The following STPG2 variants were observed in gnomAD, a reference collection of about 807,000 sequenced individuals.
The protein encoded by STPG2 is sperm-tail PG-rich repeat-containing protein 2.
STPG2 carries 56 observed loss-of-function variants against 54.2 expected under a neutral mutation model. That is an observed-to-expected ratio of 1.03 (90% confidence interval 0.83 to 1.29). The LOEUF (loss-of-function observed/expected upper bound fraction) is 1.29, where lower values mean the gene tolerates loss of function less well. Ranked by LOEUF, STPG2 falls within the 50% of genes most tolerant of loss-of-function variation. The probability of loss-of-function intolerance (pLI) is 0.00; values close to 1 mark genes in which losing one functional copy is unlikely to be tolerated. For synonymous variants in STPG2, 200 were observed against 181.8 expected (o/e 1.10, Z -0.81); for missense variants, 596 against 544.9 (o/e 1.09, Z -0.93).
chr4:97,814,803 C>T (rs112062991), intron 9 of STPG2, among the ~76,000 whole-genome samples: 3,094 of 152,194 alleles, frequency 0.02, 99 homozygotes, highest in African/African-American at 0.071. Context: ...TGCTGGATGC[C>T]TCCTGCCCTT....
At chr4:98,071,648 A>G (rs963827337) in intron 5 of STPG2, among the ~76,000 whole-genome samples, 2 of 152,086 alleles carry the variant, frequency 1.3e-5, no homozygotes, top group Non-Finnish European at 2.9e-5. Flanking sequence ...TGGGAGAAAA[A>G]TTTTGCAATA....
chr4:97,903,640 G>A (rs1199292064), intron 8 of STPG2, among the ~76,000 whole-genome samples: 2 of 152,202 alleles, frequency 1.3e-5, no homozygotes, highest in Admixed American at 6.5e-5. Context: ...AGCTCCCAGC[G>A]TGAGCAACGC....
chr4:98,091,995 C>T (rs1738708228), intron 5 of STPG2, among the ~76,000 whole-genome samples: 1 of 151,930 alleles, frequency 6.6e-6, no homozygotes, highest in Non-Finnish European at 1.5e-5. Context: ...TTATTTTATA[C>T]ACATCTTAAA....
intron 10 of STPG2, among the ~76,000 whole-genome samples, chr4:97,623,191 G>A (rs1266005620): frequency 6.6e-6 from 1 of 151,996 alleles, no homozygotes; most frequent in African/African-American, 2.4e-5. Context: ...ATATGCTTTG[G>A]ACATAGGACC....
intron 9 of STPG2, among the ~76,000 whole-genome samples, chr4:97,777,330 TC>T (rs1560523263): frequency 9.3e-6 from 1 of 107,532 alleles, no homozygotes; most frequent in Non-Finnish European, 2.0e-5. Flanking sequence ...CATAAAATCA[TC>T]TCTTTCTTTA....
chr4:97,787,483 T>G (rs1726861847), intron 9 of STPG2, among the ~76,000 whole-genome samples: 2 of 152,074 alleles, frequency 1.3e-5, no homozygotes, highest in African/African-American at 4.8e-5. Flanking sequence ...CATGACTTGA[T>G]GTGAATATAT....
At position 97,607,558 on chromosome 4, in the gene STPG2, A is replaced by G. The variant is rs145329623; in HGVS notation, c.1321-48441T>C. On this transcript the variant is annotated intron_variant, in intron 10 of 10. Coordinates refer to ENST00000295268, the MANE Select transcript of STPG2 (RefSeq NM_174952.3). ...AAGGTTAGGGGTCTATCCTTTTAAC[A>G]AGTCTAGAAAGGAGCCTTAGGAAAA... Among the ~76,000 whole-genome samples the G allele has an allele frequency of 6.8e-3, 1,028 of 152,174 alleles. 26 individuals carry two copies. The highest frequency in any genetic ancestry group is 0.058 in the Middle Eastern group (17 of 294).
chr4:97,446,804 A>C (rs1342047298), intron 4 of STPG2, among the ~76,000 whole-genome samples: 2 of 152,184 alleles, frequency 1.3e-5, no homozygotes, highest in African/African-American at 4.8e-5. Context: ...GCCATGCTGA[A>C]CTGTGAATCA....
At chr4:97,555,998 C>T (rs1216857434), downstream of STPG2, among the ~76,000 whole-genome samples, 1 of 151,980 alleles carries the variant, frequency 6.6e-6, no homozygotes, top group African/African-American at 2.4e-5. Context: ...TATCATTTAC[C>T]TGAGCATTAG....
rs914489220 is a variant in STPG2, at chr4:97,774,028, A to T, written c.1205-61214T>A. Among the ~76,000 whole-genome samples, 12 of 105,700 alleles carry T rather than the reference A, an allele frequency of 1.1e-4. No homozygotes were observed. The South Asian group carries it at 3.5e-3, about 31-fold the overall frequency. The allele number at this position is 105,700 out of a possible 152,430, so 69.3% of individuals were successfully genotyped here. A position where few individuals can be genotyped will look rare whatever the true frequency, so the allele number is the denominator to read the frequency against. ...GTGTGTGTGTGTGTGTGTGTGTGTC[A>T]GAAAGACTGCAATAAATGCCACAGT... On this transcript the variant is annotated intron_variant, in intron 9 of 10. Coordinates refer to ENST00000295268, the MANE Select transcript of STPG2 (RefSeq NM_174952.3).
chr4:98,058,595 T>C (rs1737551984), intron 5 of STPG2, among the ~76,000 whole-genome samples: 1 of 151,946 alleles, frequency 6.6e-6, no homozygotes. Flanking sequence ...GACAGAGACA[T>C]TCTCAAATAA....
At chr4:98,021,476 T>C (rs1736191056) in intron 5 of STPG2, among the ~76,000 whole-genome samples, 1 of 151,680 alleles carries the variant, frequency 6.6e-6, no homozygotes, top group Non-Finnish European at 1.5e-5. Context: ...GGTGTGATGC[T>C]GAAAAATGTA....
At chr4:97,676,747 A>T (rs931544714) in intron 10 of STPG2, among the ~76,000 whole-genome samples, 2 of 152,146 alleles carry the variant, frequency 1.3e-5, no homozygotes, top group Admixed American at 6.6e-5. Flanking sequence ...ATATTGGAGG[A>T]TGTATTCTCA....
At chr4:97,566,190 C>T (rs1732433914) in intron 10 of STPG2, among the ~76,000 whole-genome samples, 1 of 152,214 alleles carries the variant, frequency 6.6e-6, no homozygotes, top group African/African-American at 2.4e-5. Flanking sequence ...TGATCTCAGA[C>T]TGCTGTGCTA....
At chr4:98,034,799 C>T (rs4699321) in intron 5 of STPG2, among the ~76,000 whole-genome samples, 59,895 of 151,936 alleles carry the variant, frequency 0.39, 12,028 homozygotes, top group Middle Eastern at 0.46. Flanking sequence ...CACCACACAT[C>T]TACAACCATC....
chr4:97,827,679 C>T (rs896034657), intron 9 of STPG2, among the ~76,000 whole-genome samples: 2 of 152,264 alleles, frequency 1.3e-5, no homozygotes, highest in African/African-American at 4.8e-5. Context: ...TGCATAAGTG[C>T]AATAAGAATA....
chr4:97,996,588 A>AGAACAAAGATTAATAAATGGGACCTAATT (rs1735248641), intron 5 of STPG2, among the ~76,000 whole-genome samples: 1 of 150,356 alleles, frequency 6.7e-6, no homozygotes, highest in Non-Finnish European at 1.5e-5. Context: ...AATTGCAACA[A>AGAACAAAGATTAATAAATGGGACCTAATT]AAACAAAGAG....
intron 10 of STPG2, among the ~76,000 whole-genome samples, chr4:97,666,718 A>T (rs185055195): frequency 2.6e-5 from 4 of 152,328 alleles, no homozygotes; most frequent in Admixed American, 2.6e-4. Context: ...AGCCTTGTGA[A>T]CTCGGTAAAT....
At chr4:98,114,301 A>G (rs1315425913) in intron 3 of STPG2, among the ~76,000 whole-genome samples, 1 of 152,146 alleles carries the variant, frequency 6.6e-6, no homozygotes, top group African/African-American at 2.4e-5. Context: ...AAAGCAGAAC[A>G]TCATAATTGT....
Sources: gnomAD v4.1 joint callset for allele counts (sites outside exome capture counted in the v4.1 genomes callset) on GRCh38, gnomAD v4.1.1 for gene constraint, MANE v1.5 for transcripts, NCBI Gene and HGNC (gene_info 2026-07-23, HGNC 2026-07-21) for gene names.